CNTNAP5: variants seen among roughly 807,000 people sequenced by gnomAD.
CNTNAP5 encodes contactin-associated protein-like 5.
Under a neutral mutation model 150.2 loss-of-function variants are expected in CNTNAP5, and 72 were observed. That is an observed-to-expected ratio of 0.48 (90% CI 0.40 to 0.58). The LOEUF (loss-of-function observed/expected upper bound fraction) is 0.58. Ranked by LOEUF, CNTNAP5 falls within the 20% of genes least tolerant of loss-of-function variation. The probability of loss-of-function intolerance (pLI) is 0.00; values close to 1 mark genes in which losing one functional copy is unlikely to be tolerated. For missense variants in CNTNAP5, 1,636 were observed against 1,626.2 expected, an observed-to-expected ratio of 1.01 and a Z score of -0.10; for synonymous variants, 672 against 619.8, an observed-to-expected ratio of 1.08 and a Z score of -1.25.
At chr2:124,128,378 G>T (rs952452589) in intron 1 of CNTNAP5, among the ~76,000 whole-genome samples, 1 of 152,156 alleles carries the variant, frequency 6.6e-6, no homozygotes, top group African/African-American at 2.4e-5. Context: ...TCTCATACCA[G>T]TTAGAATGGC....
chr2:124,031,803 G>C (rs1461927124), intron 1 of CNTNAP5, among the ~76,000 whole-genome samples: 1 of 151,994 alleles, frequency 6.6e-6, no homozygotes, highest in Non-Finnish European at 1.5e-5. Flanking sequence ...GGAGAAGTTT[G>C]GGTTATACTC....
chr2:124,688,032 C>G lies in CNTNAP5; in HGVS notation c.2077+40074C>G, dbSNP rs1441141640. On this transcript the variant is annotated intron_variant, in intron 13 of 23. Transcript: ENST00000682447. ...AGGTGAGAATCCTAGGGTCACACCC[C>G]CTCCAGACCTTGCTTTATTTCCTTG... is the stretch of plus-strand genomic sequence containing the variant. Among the ~76,000 whole-genome samples the G allele has an allele frequency of 2.0e-5, 3 of 152,036 alleles. No homozygotes were observed. In the East Asian group the frequency reaches 5.8e-4, roughly 29 times the overall value.
intron 8 of CNTNAP5, among the ~76,000 whole-genome samples, chr2:124,506,442 C>T (rs1337941331): frequency 6.6e-6 from 1 of 152,098 alleles, no homozygotes; most frequent in Non-Finnish European, 1.5e-5. Flanking sequence ...GCCCAATATA[C>T]TTTGCATCAC....
chr2:124,138,568 C>A (rs193151213), intron 1 of CNTNAP5, among the ~76,000 whole-genome samples: 19 of 152,232 alleles, frequency 1.2e-4, no homozygotes, highest in African/African-American at 4.6e-4. Flanking sequence ...CACTTCATTA[C>A]TCTATAACTG....
chr2:124,907,595 T>C (rs912277613), intron 22 of CNTNAP5, among the ~76,000 whole-genome samples: 2 of 149,082 alleles, frequency 1.3e-5, no homozygotes, highest in Admixed American at 1.3e-4. Flanking sequence ...ATATCTATAT[T>C]TATAGATCAA....
At chr2:124,739,165 CTTCAA>C (rs1680449498) in intron 13 of CNTNAP5, among the ~76,000 whole-genome samples, 1 of 152,112 alleles carries the variant, frequency 6.6e-6, no homozygotes, top group African/African-American at 2.4e-5. Flanking sequence ...TTCTGGCTCA[CTTCAA>C]TTCAACAGGC....
chr2:124,508,125 G>A (rs1249492397), intron 8 of CNTNAP5, among the ~76,000 whole-genome samples: 1 of 152,124 alleles, frequency 6.6e-6, no homozygotes, highest in African/African-American at 2.4e-5. Context: ...AATTAAATGA[G>A]GTAGTATATC....
intron 3 of CNTNAP5, among the ~76,000 whole-genome samples, chr2:124,366,997 G>A (rs1690388093): frequency 1.3e-5 from 2 of 152,130 alleles, no homozygotes; most frequent in Non-Finnish European, 1.5e-5. Context: ...ACACAATATG[G>A]CACCACCCCA....
intron 1 of CNTNAP5, among the ~76,000 whole-genome samples, chr2:124,102,624 A>G (rs962646754): frequency 3.3e-5 from 5 of 152,186 alleles, no homozygotes; most frequent in African/African-American, 1.2e-4. Flanking sequence ...CCCTCATCAC[A>G]TAAATTCAAA....
At chr2:124,487,181 T>G (rs1371599434) in intron 7 of CNTNAP5, among the ~76,000 whole-genome samples, 1 of 152,162 alleles carries the variant, frequency 6.6e-6, no homozygotes, top group Non-Finnish European at 1.5e-5. Context: ...ATGCCCTGTG[T>G]CAGCCTAGGA....
chr2:124,363,885 A>G (rs2104718727), intron 3 of CNTNAP5, among the ~76,000 whole-genome samples: 1 of 152,338 alleles, frequency 6.6e-6, no homozygotes, highest in Middle Eastern at 3.4e-3. Context: ...ATATATGCAT[A>G]TACAGAATCC....
chr2:124,328,833 G>A lies in CNTNAP5; in HGVS notation c.381+86440G>A, dbSNP rs184464117. Among the ~76,000 whole-genome samples, 241 of 152,234 alleles carry A rather than the reference G, an allele frequency of 1.6e-3. 1 individual carries two copies. Among genetic ancestry groups the A allele is most frequent in the African/African-American group, 5.5e-3 (229 of 41,534 alleles). ...AGAAGATGGTTGTAGAAACTGCTGG[G>A]GAAAAGGGTAAGCTTCCTCTTTACC... On this transcript the variant is annotated intron_variant, in intron 3 of 23. Transcript: ENST00000682447.
chr2:124,411,325 C>T (rs1360458500), intron 3 of CNTNAP5, among the ~76,000 whole-genome samples: 1 of 152,090 alleles, frequency 6.6e-6, no homozygotes, highest in African/African-American at 2.4e-5. Context: ...ACCATTCCTT[C>T]TGAAACTATT....
At chr2:124,850,681 C>T (rs920080951) in intron 19 of CNTNAP5, among the ~76,000 whole-genome samples, 1 of 151,960 alleles carries the variant, frequency 6.6e-6, no homozygotes, top group Non-Finnish European at 1.5e-5. Context: ...GTTCCTAGAC[C>T]GAGCCCGGGG....
At chr2:124,030,927 T>G (rs1681030331) in intron 1 of CNTNAP5, among the ~76,000 whole-genome samples, 1 of 152,082 alleles carries the variant, frequency 6.6e-6, no homozygotes, top group Non-Finnish European at 1.5e-5. Context: ...AACTAGTAGT[T>G]ATGAATTCCT....
At chr2:124,668,649 ACAT>A (rs1007486999) in intron 13 of CNTNAP5, among the ~76,000 whole-genome samples, 1 of 152,152 alleles carries the variant, frequency 6.6e-6, no homozygotes, top group African/African-American at 2.4e-5. Context: ...ATTTTTGAAA[ACAT>A]CATTTTTTTC....
At position 124,772,839 on chromosome 2, in the gene CNTNAP5, T is replaced by C. The variant is rs558410434; in HGVS notation, c.2574T>C (p.Gly858=). Residue 858 remains glycine, a synonymous_variant, in exon 17 of 24, where the codon GGT becomes GGC. Transcript: ENST00000682447. ...CCTTTGCCATCGATGTTGGGAATGG[T>C]CCTGTGGAGCTTGTAGTCCAGTCTC... ...EITFAIDVGN[G]PVELVVQSPS... The C allele has an allele frequency of 1.9e-6, 3 of 1,613,608 alleles. No individual in the cohort carries two copies. Among genetic ancestry groups the C allele is most frequent in the Non-Finnish European group, 8.5e-7 (1 of 1,179,728 alleles).
chr2:124,827,737 A>C (rs1461205113), intron 19 of CNTNAP5, among the ~76,000 whole-genome samples: 1 of 152,218 alleles, frequency 6.6e-6, no homozygotes, highest in African/African-American at 2.4e-5. Context: ...AATATGATGT[A>C]GCTTTTCATA....
chr2:124,412,635 T>C (rs1169399598), intron 3 of CNTNAP5, among the ~76,000 whole-genome samples: 2 of 142,904 alleles, frequency 1.4e-5, no homozygotes, highest in Non-Finnish European at 3.0e-5. Flanking sequence ...GGGGAAAGGA[T>C]TCCCTATTTA....
Sources: gnomAD v4.1 joint callset for allele counts (sites outside exome capture counted in the v4.1 genomes callset) on GRCh38, gnomAD v4.1.1 for gene constraint, MANE v1.5 for transcripts, NCBI Gene and HGNC (gene_info 2026-07-23, HGNC 2026-07-21) for gene names.